The following GK5 variants were observed in gnomAD, a reference collection of about 807,000 sequenced individuals.
The protein encoded by GK5 is glycerol kinase 5.
A neutral mutation model predicts 77.3 loss-of-function variants in GK5; 39 were observed. The observed-to-expected ratio is 0.50, with a 90% CI of 0.39 to 0.66. The LOEUF (loss-of-function observed/expected upper bound fraction) is 0.66, where lower values mean the gene tolerates loss of function less well. Among genes scored for constraint, GK5 ranks in the 30% least tolerant of loss-of-function variants. The pLI is 0.00. For missense variants in GK5, 487 were observed against 633.8 expected, an observed-to-expected ratio of 0.77 and a Z score of 2.49; for synonymous variants, 211 against 208.0, an observed-to-expected ratio of 1.01 and a Z score of -0.13.
chr3:142,223,285 AAAAC>A (rs1188049351), intron 1 of GK5, among the ~76,000 whole-genome samples: 1 of 152,254 alleles, frequency 6.6e-6, no homozygotes, highest in African/African-American at 2.4e-5. Context: ...AAGAAAAACA[AAAAC>A]AAACAAAAAA....
At chr3:142,176,658 A>ATTT (rs1219207632) in intron 12 of GK5, among the ~76,000 whole-genome samples, 114 of 105,162 alleles carry the variant, frequency 1.1e-3, no homozygotes, top group Non-Finnish European at 1.3e-3. Context: ...GGAGATTTTG[A>ATTT]TTTTTTTTTT....
At chr3:142,179,405 C>T (rs1247282884) in intron 11 of GK5, among the ~76,000 whole-genome samples, 2 of 152,034 alleles carry the variant, frequency 1.3e-5, no homozygotes, top group Non-Finnish European at 2.9e-5. Flanking sequence ...GGTTTTAAGC[C>T]AAGTATGGTG....
intron 5 of GK5, among the ~76,000 whole-genome samples, chr3:142,189,624 G>A (rs1472773159): frequency 6.6e-6 from 1 of 152,098 alleles, no homozygotes; most frequent in Non-Finnish European, 1.5e-5. Flanking sequence ...TAGGCCCTTA[G>A]GAGGCTAGGG....
chr3:142,170,419 C>T lies in GK5; in HGVS notation c.1347G>A (p.Gln449=). The change falls in exon 15 of 16, where the codon CAG becomes CAA. Residue 449 remains glutamine, a synonymous_variant. Transcript: ENST00000392993. The stretch of plus-strand genomic sequence containing the variant: ...TCTCATTAATCAGGTCTGAAGTCAT[C>T]TGCATGACAAAACCATTCTTACAAA... The part of the protein sequence containing the change: ...GGVCKNGFVM[Q]MTSDLINENI... 6.2e-7 allele frequency: 1 copy of T among 1,613,804 alleles called. No individual in the cohort carries two copies. The highest frequency in any genetic ancestry group is 8.5e-7 in the Non-Finnish European group (1 of 1,179,716).
At chr3:142,211,574 T>C (rs1404685690) in intron 3 of GK5, among the ~76,000 whole-genome samples, 3 of 152,164 alleles carry the variant, frequency 2.0e-5, no homozygotes, top group African/African-American at 4.8e-5. Context: ...GGCAGATCAC[T>C]TGAGGCTCAG....
chr3:142,177,857 C>CTTTTTTTT (rs370889965), intron 11 of GK5, among the ~76,000 whole-genome samples: 1 of 128,194 alleles, frequency 7.8e-6, no homozygotes. Context: ...CGTTTTTTTT[C>CTTTTTTTT]TTTTTTTTTT....
chr3:142,184,289 A>AAAAAAAAAAT (rs2063738359), intron 9 of GK5, among the ~76,000 whole-genome samples: 1 of 149,442 alleles, frequency 6.7e-6, no homozygotes, highest in Non-Finnish European at 1.5e-5. Flanking sequence ...AAAAAAAAGA[A>AAAAAAAAAAT]AATAAGAATA....
intron 3 of GK5, among the ~76,000 whole-genome samples, chr3:142,211,732 T>C (rs2107795729): frequency 6.6e-6 from 1 of 152,322 alleles, no homozygotes; most frequent in East Asian, 1.9e-4. Flanking sequence ...AGTTCGAGGC[T>C]GCAGTGAGCT....
chr3:142,182,893 T>G (rs1327396671), intron 10 of GK5, 30 bp downstream of exon 10: 5 of 1,519,150 alleles, frequency 3.3e-6, no homozygotes, highest in Admixed American at 3.4e-5. Flanking sequence ...GATATTTTAT[T>G]AATAAATAGG....
rs567530474 is a variant in GK5, at chr3:142,172,380, C to T, written c.1220G>A (p.Arg407Gln). 6 of 1,596,786 alleles carry T rather than the reference C, an allele frequency of 3.8e-6. No homozygotes were observed. The highest frequency in any genetic ancestry group is 1.1e-5 in the South Asian group (1 of 88,268). ...KPSTSKYHLV[R>Q]AILESIAFRN... ...GAAAGCTATTGACTCCAATATTGCT[C>T]GTACAAGATGGTATTTACTGGTAGA... is the stretch of plus-strand genomic sequence containing the variant. Residue 407 changes from arginine to glutamine, a missense_variant, in exon 13 of 16, where the codon CGA (arginine) becomes CAA (glutamine). Transcript: ENST00000392993.
chr3:142,222,876 C>A (rs2064372242), intron 1 of GK5, among the ~76,000 whole-genome samples: 3 of 152,176 alleles, frequency 2.0e-5, no homozygotes, highest in Admixed American at 2.0e-4. Flanking sequence ...TAAGTTGCTA[C>A]ACAAGTTTCT....
chr3:142,224,241 A>G (rs1408908430), intron 1 of GK5, among the ~76,000 whole-genome samples: 1 of 152,052 alleles, frequency 6.6e-6, no homozygotes, highest in African/African-American at 2.4e-5. Context: ...TCCCATCTCT[A>G]TTAAAAAATA....
intron 1 of GK5, among the ~76,000 whole-genome samples, chr3:142,221,923 C>A (rs1278756480): frequency 6.6e-6 from 1 of 152,108 alleles, no homozygotes; most frequent in East Asian, 1.9e-4. Context: ...CTATTTTGTT[C>A]TTGTCTACAA....
chr3:142,189,136 C>T (rs753372262), intron 5 of GK5, among the ~76,000 whole-genome samples: 3 of 152,252 alleles, frequency 2.0e-5, no homozygotes, highest in Non-Finnish European at 4.4e-5. Context: ...AGACCCTTAG[C>T]TCTTTAAGGG....
chr3:142,194,387 GT>G (rs2063901146), intron 5 of GK5, among the ~76,000 whole-genome samples: 1 of 152,202 alleles, frequency 6.6e-6, no homozygotes, highest in East Asian at 1.9e-4. Context: ...TTAGCTGGGC[GT>G]TGTGGCGCAC....
At chr3:142,188,349 G>T (rs1044147592) in intron 5 of GK5, among the ~76,000 whole-genome samples, 6 of 152,138 alleles carry the variant, frequency 3.9e-5, no homozygotes, top group African/African-American at 1.4e-4. Context: ...GGCTAACATG[G>T]TGAAACCCTG....
At chr3:142,221,859 T>TA (rs1332005948) in intron 1 of GK5, among the ~76,000 whole-genome samples, 2 of 152,206 alleles carry the variant, frequency 1.3e-5, no homozygotes, top group Non-Finnish European at 2.9e-5. Context: ...TCTCTACTGT[T>TA]AAACATTTAA....
chr3:142,174,739 C>A (rs2063584545), intron 12 of GK5, among the ~76,000 whole-genome samples: 1 of 152,182 alleles, frequency 6.6e-6, no homozygotes, highest in Non-Finnish European at 1.5e-5. Context: ...AATGCCATCA[C>A]CACAACTGCA....
intron 5 of GK5, among the ~76,000 whole-genome samples, chr3:142,193,882 A>G (rs2063891094): frequency 6.6e-6 from 1 of 152,056 alleles, no homozygotes; most frequent in Non-Finnish European, 1.5e-5. Flanking sequence ...CTGGGATTAC[A>G]GGAGTCCACC....
Sources: gnomAD v4.1 joint callset for allele counts (sites outside exome capture counted in the v4.1 genomes callset) on GRCh38, gnomAD v4.1.1 for gene constraint, MANE v1.5 for transcripts, NCBI Gene and HGNC (gene_info 2026-07-23, HGNC 2026-07-21) for gene names.